CCDC149: variants seen among roughly 807,000 people sequenced by gnomAD.
The protein encoded by CCDC149 is coiled-coil domain containing 149, also known as coiled-coil domain-containing protein 149.
A neutral mutation model predicts 59.9 loss-of-function variants in CCDC149; 45 were observed. That is an observed-to-expected ratio of 0.75 (90% CI 0.59 to 0.96). CCDC149 has a LOEUF of 0.96. Among genes scored for constraint, CCDC149 ranks in the 40% least tolerant of loss-of-function variants. CCDC149 has a pLI of 0.00. For missense variants in CCDC149, 584 were observed against 664.7 expected (o/e 0.88, Z 1.33); for synonymous variants, 245 against 260.6 (o/e 0.94, Z 0.58).
At position 24,936,585 on chromosome 4, in the gene CCDC149, G is replaced by A. The variant is rs573057269; in HGVS notation, c.-64-41467C>T. The stretch of plus-strand genomic sequence containing the variant: ...ACAACATTCAAAATCTCCTCTTTCC[G>A]CTTTCTTGAAATATATAGTACATTG... On this transcript the variant is annotated intron_variant, in intron 1 of 12. Transcript: ENST00000389609. Among the ~76,000 whole-genome samples the A allele has an allele frequency of 5.3e-5, 8 of 152,052 alleles. No individual in the cohort carries two copies. The East Asian group carries it at 5.8e-4, about 11-fold the overall frequency.
At chr4:24,910,772 C>T (rs1397989930) in intron 1 of CCDC149, among the ~76,000 whole-genome samples, 1 of 152,154 alleles carries the variant, frequency 6.6e-6, no homozygotes, top group Admixed American at 6.5e-5. Context: ...TTCCACTTAC[C>T]AGATGTGAGG....
chr4:24,838,277 ATT>A lies in CCDC149; in HGVS notation c.373-7_373-6del, dbSNP rs749397252. The A allele has an allele frequency of 6.2e-7, 1 of 1,608,634 alleles. No individual in the cohort carries two copies. The highest frequency in any genetic ancestry group is 8.5e-7 in the Non-Finnish European group (1 of 1,174,960). On this transcript the variant is annotated splice_polypyrimidine_tract_variant and splice_region_variant and intron_variant, in intron 4 of 12. Coordinates refer to ENST00000635206, the MANE Select transcript of CCDC149 (RefSeq NM_001330643.2). ...GGCAATCGTCATCCTCAAGAGCTGC[ATT>A]TTCCATTGGTAGAAAAAGAAAAAGG...
At chr4:24,868,030 T>C (rs1254861161) in intron 3 of CCDC149, among the ~76,000 whole-genome samples, 2 of 152,252 alleles carry the variant, frequency 1.3e-5, no homozygotes, top group Non-Finnish European at 2.9e-5. Context: ...CTTCCGCTTA[T>C]ACAAGGTATC....
Position 24,887,771 on chromosome 4 carries a change from T to C in CCDC149, c.64-11074A>G, listed in dbSNP as rs1298432255. ...CTTGTCTAGTCCAGGTACCAGTCCC[T>C]TTGGAGAATGTAAATTAGGGCTTGC... On this transcript the variant is annotated intron_variant, in intron 1 of 12. Transcript: ENST00000635206. 2.0e-5 allele frequency among the ~76,000 whole-genome samples: 3 copies of C among 151,882 alleles called. No individual in the cohort carries two copies. In the East Asian group the frequency reaches 5.8e-4, roughly 30 times the overall value.
chr4:24,965,116 A>G (rs1723754341), intron 1 of CCDC149, among the ~76,000 whole-genome samples: 1 of 151,342 alleles, frequency 6.6e-6, no homozygotes, highest in Admixed American at 6.6e-5. Flanking sequence ...GGGAAAAAAC[A>G]TTGGAATTTG....
intron 1 of CCDC149, among the ~76,000 whole-genome samples, chr4:24,951,001 C>T (rs772137785): frequency 1.3e-5 from 2 of 152,204 alleles, no homozygotes; most frequent in Non-Finnish European, 2.9e-5. Context: ...ATCTATGTAT[C>T]TTTGGGGACC....
chr4:24,951,811 G>A (rs900317412), intron 1 of CCDC149, among the ~76,000 whole-genome samples: 1 of 152,132 alleles, frequency 6.6e-6, no homozygotes, highest in Non-Finnish European at 1.5e-5. Flanking sequence ...AATTCGAGGG[G>A]CAGGAATTAT....
intron 4 of CCDC149, among the ~76,000 whole-genome samples, chr4:24,838,984 T>C (rs56216295): frequency 0.12 from 17,432 of 149,560 alleles, 1,282 homozygotes; most frequent in African/African-American, 0.21. Context: ...GCAGTATGAC[T>C]AAAATTATAC....
intron 9 of CCDC149, among the ~76,000 whole-genome samples, chr4:24,826,204 C>T (rs1296678307): frequency 6.6e-6 from 1 of 152,100 alleles, no homozygotes; most frequent in African/African-American, 2.4e-5. Flanking sequence ...AGGCAACCTG[C>T]CCACCTCAGC....
intron 1 of CCDC149, among the ~76,000 whole-genome samples, chr4:24,975,492 G>A (rs1724143463): frequency 1.4e-5 from 2 of 142,930 alleles, no homozygotes; most frequent in African/African-American, 2.6e-5. Flanking sequence ...GGGGAGGAGA[G>A]GGGACAGGAG....
intron 3 of CCDC149, among the ~76,000 whole-genome samples, chr4:24,870,388 T>C (rs939304063): frequency 1.3e-5 from 2 of 152,152 alleles, no homozygotes; most frequent in Middle Eastern, 3.2e-3. Flanking sequence ...CTATGTAAGG[T>C]AATTAATTCG....
chr4:24,835,080 A>G, intron 7 of CCDC149, 48 bp from the exon 8 acceptor site: 1 of 1,367,528 alleles, frequency 7.3e-7, no homozygotes, highest in Non-Finnish European at 1.0e-6. Context: ...AAAGCCAACA[A>G]TGGAAAAGTA....
chr4:24,913,269 C>G (rs1722007409), upstream of CCDC149, among the ~76,000 whole-genome samples: 2 of 152,138 alleles, frequency 1.3e-5, no homozygotes, highest in African/African-American at 2.4e-5. Context: ...AGGCCTGTGT[C>G]CCCCGCAAGA....
At chr4:24,836,826 G>A (rs1461696325) in intron 6 of CCDC149, among the ~76,000 whole-genome samples, 1 of 152,050 alleles carries the variant, frequency 6.6e-6, no homozygotes, top group East Asian at 1.9e-4. Flanking sequence ...GCAGGAAGAG[G>A]CGACACCAGA....
chr4:24,871,024 G>T (rs955748252), intron 3 of CCDC149, among the ~76,000 whole-genome samples: 2 of 134,060 alleles, frequency 1.5e-5, no homozygotes, highest in African/African-American at 5.8e-5. Flanking sequence ...CAGCCTGAGG[G>T]ACAGAGTGAG....
chr4:24,975,059 G>A (rs1316760746), intron 1 of CCDC149, among the ~76,000 whole-genome samples: 1 of 152,102 alleles, frequency 6.6e-6, no homozygotes, highest in Non-Finnish European at 1.5e-5. Flanking sequence ...TAGGCTTTGC[G>A]CAGCATTGCA....
rs947612478 is a variant in CCDC149, at chr4:24,965,060, T to C, written c.-65+15009A>G. ...TTAAAAATGGTAAAAGGAAGTTCTC[T>C]AAGCAGAAAGAAAATGATAATAGAA... On this transcript the variant is annotated intron_variant, in intron 1 of 12. Transcript: ENST00000389609. 5.9e-5 allele frequency among the ~76,000 whole-genome samples: 9 copies of C among 151,306 alleles called. No individual in the cohort carries two copies. The East Asian group carries it at 1.4e-3, about 23-fold the overall frequency.
At chr4:24,861,030 T>C (rs1328310522) in intron 3 of CCDC149, among the ~76,000 whole-genome samples, 2 of 152,138 alleles carry the variant, frequency 1.3e-5, no homozygotes, top group Non-Finnish European at 2.9e-5. Context: ...TAAACTATTA[T>C]AACCACTATG....
At chr4:24,831,048 A>C (rs1716112725) in intron 9 of CCDC149, 1 of 154,496 alleles carries the variant, frequency 6.5e-6, no homozygotes, top group African/African-American at 2.4e-5. Flanking sequence ...TTTTTTGTGG[A>C]TCTGGAAGAG....
Sources: allele counts gnomAD v4.1 joint callset (sites outside exome capture counted in the v4.1 genomes callset), GRCh38; gene constraint gnomAD v4.1.1; transcripts MANE v1.5; gene names NCBI Gene and HGNC (gene_info 2026-07-23, HGNC 2026-07-21).